Variants in DGKI observed in about 807,000 individuals in gnomAD.
The protein encoded by DGKI is DAG kinase iota.
A neutral mutation model predicts 147.5 loss-of-function variants in DGKI; 55 were observed. The observed-to-expected ratio is 0.37, with a 90% CI of 0.30 to 0.47. The LOEUF (loss-of-function observed/expected upper bound fraction) is 0.47, where lower values mean the gene tolerates loss of function less well. Ranked by LOEUF, DGKI falls within the 20% of genes least tolerant of loss-of-function variation. The pLI is 1.00. For synonymous variants in DGKI, 469 were observed against 477.1 expected (o/e 0.98, Z 0.22); for missense variants, 1,007 against 1,323.8 (o/e 0.76, Z 3.71).
At chr7:137,443,311 C>T (rs1270790964) in intron 28 of DGKI, among the ~76,000 whole-genome samples, 2 of 151,988 alleles carry the variant, frequency 1.3e-5, no homozygotes, top group African/African-American at 4.8e-5. Context: ...GGTGCTAGCC[C>T]GGTATACAGT....
At chr7:137,566,702 CTT>C (rs1347204521) in intron 19 of DGKI, among the ~76,000 whole-genome samples, 1 of 152,104 alleles carries the variant, frequency 6.6e-6, no homozygotes, top group East Asian at 1.9e-4. Flanking sequence ...GATTATTTCT[CTT>C]TTTCCTACAA....
rs1247410250 is a variant in DGKI, at chr7:137,386,739, A to G, written c.*4481T>C. The G allele has an allele frequency of 6.6e-6, 1 of 152,086 alleles. No homozygotes were observed. The highest frequency in any genetic ancestry group is 1.5e-5 in the Non-Finnish European group (1 of 67,998). The allele number at this position is 152,086 out of a possible 1,614,324, so 9.4% of individuals were successfully genotyped here. A position where few individuals can be genotyped will look rare whatever the true frequency, so the allele number is the denominator to read the frequency against. Reference sequence around the variant, plus strand: ...AGTCGATCTGACAGACCTGGCAGAGAAGGACCTGTAGGACTTCTAATCAGC... The same window carrying G: ...AGTCGATCTGACAGACCTGGCAGAGGAGGACCTGTAGGACTTCTAATCAGC... On this transcript the variant is annotated 3_prime_UTR_variant, in exon 33 of 33. Transcript: ENST00000614521.
At chr7:137,540,908 C>A (rs904111163) in intron 20 of DGKI, among the ~76,000 whole-genome samples, 12 of 151,156 alleles carry the variant, frequency 7.9e-5, no homozygotes, top group Non-Finnish European at 1.3e-4. Context: ...TGAAGAGACA[C>A]AGAGAATTTA....
chr7:137,604,208 G>A (rs181244814), intron 10 of DGKI, among the ~76,000 whole-genome samples: 9 of 152,142 alleles, frequency 5.9e-5, no homozygotes, highest in Admixed American at 1.3e-4. Context: ...AAGTGTCCTC[G>A]TCTACTGACT....
At chr7:137,464,256 CAAAAAAAAAA>C (rs58290482) in intron 26 of DGKI, among the ~76,000 whole-genome samples, 8 of 47,786 alleles carry the variant, frequency 1.7e-4, no homozygotes, top group Non-Finnish European at 4.9e-4. Context: ...GACTCCATCT[CAAAAAAAAAA>C]AAAAAAAAAA....
intron 1 of DGKI, among the ~76,000 whole-genome samples, chr7:137,811,289 C>T (rs1797560314): frequency 6.6e-6 from 1 of 151,784 alleles, no homozygotes; most frequent in East Asian, 1.9e-4. Context: ...ATCCATTAAG[C>T]TCTATTCTAA....
chr7:137,538,198 G>T (rs1295001416), intron 20 of DGKI, among the ~76,000 whole-genome samples: 1 of 152,212 alleles, frequency 6.6e-6, no homozygotes, highest in East Asian at 1.9e-4. Flanking sequence ...GAAGATCAAA[G>T]GTTCTTTGCT....
intron 28 of DGKI, among the ~76,000 whole-genome samples, chr7:137,432,405 A>T (rs1813114282): frequency 6.6e-6 from 1 of 152,192 alleles, no homozygotes; most frequent in Non-Finnish European, 1.5e-5. Context: ...TTTATAAAAA[A>T]ATCTATATGC....
At chr7:137,403,215 G>A (rs61531655) in intron 30 of DGKI, among the ~76,000 whole-genome samples, 2,399 of 152,194 alleles carry the variant, frequency 0.016, 62 homozygotes, top group African/African-American at 0.056. Context: ...CTTCCTCCCC[G>A]AGTCTCTTTT....
intron 32 of DGKI, 88 bp downstream of exon 32, chr7:137,395,510 G>A: frequency 8.1e-7 from 1 of 1,227,204 alleles, no homozygotes. Flanking sequence ...AGCACAGAAA[G>A]GATGTCCGTG....
chr7:137,551,593 T>C (rs192403324), intron 20 of DGKI, among the ~76,000 whole-genome samples: 2 of 152,286 alleles, frequency 1.3e-5, no homozygotes, highest in Admixed American at 1.3e-4. Flanking sequence ...ATGCCAAAAA[T>C]TATGTTCATT....
At chr7:137,750,997 G>C (rs1298922773) in intron 1 of DGKI, among the ~76,000 whole-genome samples, 1 of 152,092 alleles carries the variant, frequency 6.6e-6, no homozygotes, top group African/African-American at 2.4e-5. Context: ...AAATGAGCAG[G>C]ATATTAGTAG....
intron 2 of DGKI, among the ~76,000 whole-genome samples, chr7:137,681,102 C>T (rs189794976): frequency 1.1e-4 from 17 of 152,264 alleles, no homozygotes; most frequent in African/African-American, 4.1e-4. Context: ...CACAGGGAGA[C>T]CCTGGTGGTA....
At chr7:137,672,739 C>G (rs1463356270) in intron 3 of DGKI, among the ~76,000 whole-genome samples, 1 of 134,214 alleles carries the variant, frequency 7.5e-6, no homozygotes, top group Non-Finnish European at 1.6e-5. Flanking sequence ...ACATGGCCTT[C>G]TTCTCTGTGT....
chr7:137,630,490 A>G (rs1488827231), intron 6 of DGKI, among the ~76,000 whole-genome samples: 1 of 152,170 alleles, frequency 6.6e-6, no homozygotes, highest in Non-Finnish European at 1.5e-5. Flanking sequence ...TTCTCAGTAC[A>G]ACTTAACAAC....
In DGKI at chr7:137,388,010, G is replaced by A. The variant is rs1811229232; in HGVS notation, c.*3210C>T. ...AGCAGCCATTCTGAAAGGATAAGGA[G>A]CAACAGGTATGTACGGCTCTCCATC... On this transcript the variant is annotated 3_prime_UTR_variant, in exon 33 of 33. Coordinates refer to ENST00000614521, the MANE Select transcript of DGKI (RefSeq NM_001321708.2). The A allele has an allele frequency of 6.6e-6, 1 of 152,164 alleles. No homozygotes were observed. Among genetic ancestry groups the A allele is most frequent in the South Asian group, 2.1e-4 (1 of 4,824 alleles). The allele number at this position is 152,164 out of a possible 1,614,324, so 9.4% of individuals were successfully genotyped here. A position where few individuals can be genotyped will look rare whatever the true frequency, so the allele number is the denominator to read the frequency against.
At chr7:137,672,173 C>G (rs567506166) in intron 3 of DGKI, among the ~76,000 whole-genome samples, 1 of 152,344 alleles carries the variant, frequency 6.6e-6, no homozygotes, top group Admixed American at 6.5e-5. Context: ...GTAGACGCAC[C>G]TGTGTGCATA....
intron 1 of DGKI, among the ~76,000 whole-genome samples, chr7:137,736,145 T>G (rs1241992000): frequency 6.6e-6 from 1 of 152,152 alleles, no homozygotes; most frequent in African/African-American, 2.4e-5. Flanking sequence ...TAATTTCTCC[T>G]AAGATAAGCC....
chr7:137,773,576 G>GA (rs1482671928), intron 1 of DGKI, among the ~76,000 whole-genome samples: 1 of 152,112 alleles, frequency 6.6e-6, no homozygotes, highest in East Asian at 1.9e-4. Context: ...TATTGGTAAA[G>GA]AAAAGACAAG....
Sources: gnomAD v4.1 joint callset for allele counts (sites outside exome capture counted in the v4.1 genomes callset) on GRCh38, gnomAD v4.1.1 for gene constraint, MANE v1.5 for transcripts, NCBI Gene and HGNC (gene_info 2026-07-23, HGNC 2026-07-21) for gene names.